TACR3: variants seen among roughly 807,000 people sequenced by gnomAD.
The protein encoded by TACR3 is neuromedin-K receptor.
TACR3 carries 34 observed loss-of-function variants against 35.0 expected under a neutral mutation model. That is an observed-to-expected ratio of 0.97 (90% CI 0.74 to 1.30). The LOEUF is 1.30. Among genes scored for constraint, TACR3 ranks in the 50% most tolerant of loss-of-function variants. TACR3 has a pLI of 0.00. For synonymous variants in TACR3, 233 were observed against 221.1 expected (o/e 1.05, Z -0.48); for missense variants, 558 against 591.7 (o/e 0.94, Z 0.59).
At chr4:103,641,282 G>C (rs1357616262) in intron 3 of TACR3, among the ~76,000 whole-genome samples, 1 of 151,754 alleles carries the variant, frequency 6.6e-6, no homozygotes, top group Non-Finnish European at 1.5e-5. Context: ...AAAAATTCCA[G>C]TACCATACCA....
At chr4:103,718,722 G>GTGAC in intron 1 of TACR3, among the ~76,000 whole-genome samples, 1 of 152,310 alleles carries the variant, frequency 6.6e-6, no homozygotes, top group Middle Eastern at 3.4e-3. Context: ...TGCCAGAATA[G>GTGAC]TGACTGACAG....
At chr4:103,646,671 T>G (rs1725462532) in intron 3 of TACR3, among the ~76,000 whole-genome samples, 1 of 151,906 alleles carries the variant, frequency 6.6e-6, no homozygotes, top group South Asian at 2.1e-4. Flanking sequence ...TTGCCAAGGA[T>G]TTTTAAATTA....
intron 3 of TACR3, among the ~76,000 whole-genome samples, chr4:103,601,139 T>A (rs1452899705): frequency 6.6e-6 from 1 of 152,198 alleles, no homozygotes; most frequent in Non-Finnish European, 1.5e-5. Context: ...ATCTGGGTGC[T>A]CCTGTATTGG....
intron 3 of TACR3, among the ~76,000 whole-genome samples, chr4:103,604,172 G>A (rs1578222434): frequency 1.3e-5 from 2 of 152,146 alleles, no homozygotes; most frequent in East Asian, 3.8e-4. Context: ...AAACACCATG[G>A]TACTGGTACC....
chr4:103,697,402 G>GTTTGTTTGTTTATTTATTTA lies in TACR3; in HGVS notation c.548+21725_548+21726insTAAATAAATAAACAAACAAA, dbSNP rs139321846. Among the ~76,000 whole-genome samples, 3 of 144,874 alleles carry GTTTGTTTGTTTATTTATTTA rather than the reference G, an allele frequency of 2.1e-5. No individual in the cohort carries two copies. In the Admixed American group the frequency reaches 2.1e-4, roughly 10 times the overall value. On this transcript the variant is annotated intron_variant, in intron 1 of 4. Coordinates refer to ENST00000304883, the MANE Select transcript of TACR3 (RefSeq NM_001059.3). Reference sequence around the variant, plus strand: ...ACTTGTGTTATTTATTTATTTATTTGTTTATTTATTTATTTATTTATTTAT... The same window carrying GTTTGTTTGTTTATTTATTTA: ...ACTTGTGTTATTTATTTATTTATTTGTTTGTTTGTTTATTTATTTATTTATTTATTTATTTATTTATTTAT...
intron 3 of TACR3, among the ~76,000 whole-genome samples, chr4:103,629,779 G>A (rs1322485683): frequency 6.9e-6 from 1 of 144,438 alleles, no homozygotes; most frequent in Non-Finnish European, 1.5e-5. Context: ...TCACAGAATT[G>A]GAATAAACTA....
At chr4:103,636,018 T>C (rs1397026383) in intron 3 of TACR3, among the ~76,000 whole-genome samples, 1 of 151,978 alleles carries the variant, frequency 6.6e-6, no homozygotes, top group African/African-American at 2.4e-5. Context: ...CAAAACTTTG[T>C]GCTCATTTGG....
At chr4:103,631,011 G>A (rs1223957536) in intron 3 of TACR3, among the ~76,000 whole-genome samples, 1 of 152,162 alleles carries the variant, frequency 6.6e-6, no homozygotes, top group African/African-American at 2.4e-5. Flanking sequence ...AAAAAGATGA[G>A]TTCATGTCCT....
chr4:103,653,574 G>A (rs533586013), intron 3 of TACR3, among the ~76,000 whole-genome samples: 26 of 152,066 alleles, frequency 1.7e-4, no homozygotes, highest in East Asian at 3.9e-4. Flanking sequence ...TTACATGTTC[G>A]ACTTAAAACC....
chr4:103,630,356 A>G (rs542888571), intron 3 of TACR3, among the ~76,000 whole-genome samples: 1 of 152,358 alleles, frequency 6.6e-6, no homozygotes, highest in African/African-American at 2.4e-5. Context: ...ATTAAACTAA[A>G]GAGCTTCTGT....
chr4:103,595,402 C>T (rs1331528633), intron 3 of TACR3, among the ~76,000 whole-genome samples: 1 of 152,058 alleles, frequency 6.6e-6, no homozygotes, highest in Admixed American at 6.6e-5. Context: ...TGTAATGTAG[C>T]CCTTACAAAG....
chr4:103,615,920 T>C (rs1041976650), intron 3 of TACR3, among the ~76,000 whole-genome samples: 9 of 152,216 alleles, frequency 5.9e-5, no homozygotes, highest in African/African-American at 1.7e-4. Flanking sequence ...TCTATATATC[T>C]ACTCCTTTAG....
At chr4:103,670,449 C>G (rs57108287) in intron 1 of TACR3, among the ~76,000 whole-genome samples, 18,035 of 152,006 alleles carry the variant, frequency 0.12, 1,466 homozygotes, top group East Asian at 0.43. Context: ...AATATTAATT[C>G]TTCCAGGCCA....
chr4:103,635,100 A>G (rs1420939810), intron 3 of TACR3, among the ~76,000 whole-genome samples: 3 of 152,006 alleles, frequency 2.0e-5, no homozygotes, highest in Non-Finnish European at 4.4e-5. Context: ...CCTACATTAT[A>G]TATGCACACA....
chr4:103,603,735 G>C (rs1724269777), intron 3 of TACR3, among the ~76,000 whole-genome samples: 1 of 152,128 alleles, frequency 6.6e-6, no homozygotes, highest in Non-Finnish European at 1.5e-5. Flanking sequence ...CTAGATCTTT[G>C]AGGAATTGCC....
At chr4:103,695,727 G>C (rs2110219616) in intron 1 of TACR3, among the ~76,000 whole-genome samples, 1 of 151,802 alleles carries the variant, frequency 6.6e-6, no homozygotes, top group African/African-American at 2.4e-5. Flanking sequence ...GTGTGTGTGT[G>C]TGTGTGTGTG....
At chr4:103,605,884 C>G (rs1369640163) in intron 3 of TACR3, among the ~76,000 whole-genome samples, 2 of 152,172 alleles carry the variant, frequency 1.3e-5, no homozygotes, top group South Asian at 2.1e-4. Flanking sequence ...GTGTTTTAGA[C>G]ATGAAGTCCT....
intron 1 of TACR3, among the ~76,000 whole-genome samples, chr4:103,663,072 T>C (rs899436069): frequency 3.3e-5 from 5 of 152,168 alleles, no homozygotes; most frequent in African/African-American, 9.7e-5. Context: ...GATGAAGTTA[T>C]AGTACAGGTT....
At chr4:103,654,662 A>G (rs1725694551) in intron 3 of TACR3, among the ~76,000 whole-genome samples, 3 of 151,606 alleles carry the variant, frequency 2.0e-5, no homozygotes, top group Non-Finnish European at 4.4e-5. Flanking sequence ...AAACCTGCAC[A>G]TTGTGCACAT....
Sources: allele counts gnomAD v4.1 joint callset (sites outside exome capture counted in the v4.1 genomes callset), GRCh38; gene constraint gnomAD v4.1.1; transcripts MANE v1.5; gene names NCBI Gene and HGNC (gene_info 2026-07-23, HGNC 2026-07-21).